The following KCNH2 variants were observed in gnomAD, a reference collection of about 807,000 sequenced individuals.
KCNH2 encodes potassium voltage-gated channel subfamily H member 2, also known as voltage-gated inwardly rectifying potassium channel KCNH2.
Under a neutral mutation model 95.9 loss-of-function variants are expected in KCNH2, and 35 were observed. The observed-to-expected ratio is 0.37, with a 90% CI of 0.28 to 0.48. The LOEUF (loss-of-function observed/expected upper bound fraction) is 0.48, where lower values mean the gene tolerates loss of function less well. KCNH2 is among the 20% of genes least tolerant of loss of function. The pLI, the probability that KCNH2 is intolerant of heterozygous loss-of-function variation, is 0.99. For synonymous variants in KCNH2, 786 were observed against 754.7 expected, an observed-to-expected ratio of 1.04 and a Z score of -0.68; for missense variants, 1,274 against 1,702.9, an observed-to-expected ratio of 0.75 and a Z score of 4.43.
chr7:150,947,860 T>C lies in KCNH2; in HGVS notation c.2711A>G (p.Glu904Gly), dbSNP rs794727044. The change falls in exon 12 of 15, where the codon GAG becomes GGG. Residue 904 changes from glutamate to glycine, a missense_variant. Glu to Gly is a moderately conservative substitution (Grantham distance 98). Coordinates refer to ENST00000262186, the MANE Select transcript of KCNH2 (RefSeq NM_000238.4). ...CCGGCCCGGCCCCAAGGCCGACACC[T>C]CCCCTGGCTGCTCCGTGTCTGTGGG... ...RTDKDTEQPG[E>G]VSALGPGRAG... 1 of 1,528,460 alleles carries C rather than the reference T, an allele frequency of 6.5e-7. No homozygotes were observed. Among genetic ancestry groups the C allele is most frequent in the Non-Finnish European group, 8.7e-7 (1 of 1,143,702 alleles). The allele number at this position is 1,528,460 out of a possible 1,614,324, so 94.7% of individuals were successfully genotyped here.
At position 150,945,232 on chromosome 7, in the gene KCNH2, T is replaced by G; in HGVS notation, c.*133A>C. On this transcript the variant is annotated 3_prime_UTR_variant, in exon 15 of 15. Transcript: ENST00000262186. This position sits in a 1 kb window ranked among gnomAD's most constrained non-coding sequence, Gnocchi z 5.6. ...TGCAGGAGAAGATGGTCCCAAGGGC[T>G]GGGGGAGGAGCTGTGCTTTCGAGTT... The G allele has an allele frequency of 9.8e-7, 1 of 1,019,110 alleles. No individual in the cohort carries two copies. Among genetic ancestry groups the G allele is most frequent in the South Asian group, 1.7e-5 (1 of 59,630 alleles). 63.1% of individuals were successfully genotyped at this position (1,019,110 alleles called of 1,614,324 possible). A position where few individuals can be genotyped will look rare whatever the true frequency, so the allele number is the denominator to read the frequency against.
chr7:150,946,126 G>A lies in KCNH2; in HGVS notation c.3331-612C>T, dbSNP rs1313670262. 1.3e-5 allele frequency among the ~76,000 whole-genome samples: 2 copies of A among 152,136 alleles called. No homozygotes were observed. Among genetic ancestry groups the A allele is most frequent in the African/African-American group, 4.8e-5 (2 of 41,434 alleles). ...CAGCATATGGGAGGGGGGAGCGGAT[G>A]CCAAGGGAAGTGGGGAGGGAGCAGA... is the stretch of plus-strand genomic sequence containing the variant. On this transcript the variant is annotated intron_variant, in intron 14 of 14. Coordinates refer to ENST00000262186, the MANE Select transcript of KCNH2 (RefSeq NM_000238.4). This position sits in a 1 kb window ranked among gnomAD's most constrained non-coding sequence, Gnocchi z 6.5.
intron 5 of KCNH2, chr7:150,955,388 T>C: frequency 6.4e-7 from 1 of 1,554,756 alleles, no homozygotes; most frequent in Non-Finnish European, 8.7e-7. Context: ...GGACCGGGTG[T>C]CACCTACCTC....
chr7:150,947,832 C>CGCCCG lies in KCNH2; in HGVS notation c.2734_2738dup (p.Ala915ArgfsTer61), dbSNP rs794728502. On this transcript the variant is annotated frameshift_variant, in exon 12 of 15. Transcript: ENST00000262186. LOFTEE classifies it high-confidence loss of function. The stretch of plus-strand genomic sequence containing the variant: ...GGCCCCGGCTACTCGGCCCTGCCCC[C>CGCCCG]GCCCGGCCCGGCCCCAAGGCCGACA... The CGCCCG allele has an allele frequency of 6.6e-7, 1 of 1,525,618 alleles. No individual in the cohort carries two copies. The allele number at this position is 1,525,618 out of a possible 1,614,324, so 94.5% of individuals were successfully genotyped here.
chr7:150,971,448 A>G (rs1801837579), intron 2 of KCNH2, among the ~76,000 whole-genome samples: 1 of 152,092 alleles, frequency 6.6e-6, no homozygotes, highest in Non-Finnish European at 1.5e-5. Context: ...GGAGTGGAGA[A>G]GCTAATAGAC....
In KCNH2 at chr7:150,958,059, CGGTGCT is replaced by C; in HGVS notation, c.910_915del (p.Ser304_Thr305del). 1 of 1,260,394 alleles carries C rather than the reference CGGTGCT, an allele frequency of 7.9e-7. No homozygotes were observed. Among genetic ancestry groups the C allele is most frequent in the Non-Finnish European group, 9.9e-7 (1 of 1,006,600 alleles). 78.1% of individuals were successfully genotyped at this position (1,260,394 alleles called of 1,614,324 possible). ...GGAACGGGTCCCGCGGCGCCCTCAC[CGGTGCT>C]GGCGTGGCGCGGTGGCGGGGGCAGC... On this transcript the variant is annotated inframe_deletion and splice_region_variant, in exon 4 of 15. Transcript: ENST00000262186.
chr7:150,977,677 C>A (rs35277497), intron 1 of KCNH2, among the ~76,000 whole-genome samples, 161 bp downstream of exon 1: 48 of 150,792 alleles, frequency 3.2e-4, no homozygotes, highest in South Asian at 4.2e-4. Flanking sequence ...GTGCACCAAG[C>A]CTTGCCCCCG....
In KCNH2 at chr7:150,978,310, C is replaced by A. The variant is rs1802030558; in HGVS notation, c.-397G>T. The A allele has an allele frequency of 6.8e-6, 1 of 146,954 alleles. No homozygotes were observed. Among genetic ancestry groups the A allele is most frequent in the African/African-American group, 2.5e-5 (1 of 40,664 alleles). The allele number at this position is 146,954 out of a possible 1,614,324, so 9.1% of individuals were successfully genotyped here. On this transcript the variant is annotated 5_prime_UTR_variant, in exon 1 of 15. Transcript: ENST00000262186. The stretch of plus-strand genomic sequence containing the variant: ...GGCAGCGCCTGCGGCTCGGCCCGGC[C>A]GCGGAAGGGTTAATGCGGCGCGCGC...
chr7:150,976,524 C>G (rs1429100638), intron 1 of KCNH2, among the ~76,000 whole-genome samples: 1 of 152,160 alleles, frequency 6.6e-6, no homozygotes, highest in Non-Finnish European at 1.5e-5. Context: ...CACCCCTTGT[C>G]CTCTCTCCCA....
intron 2 of KCNH2, among the ~76,000 whole-genome samples, chr7:150,960,229 CCTTG>C (rs1370961857): frequency 6.6e-6 from 1 of 152,166 alleles, no homozygotes; most frequent in Non-Finnish European, 1.5e-5. Context: ...TATTTAACAT[CCTTG>C]TGCCTCATTT....
chr7:150,946,800 G>A lies in KCNH2; in HGVS notation c.3330+77C>T. On this transcript the variant is annotated intron_variant, in intron 14 of 14. Transcript: ENST00000262186. This position sits in a 1 kb window ranked among gnomAD's most constrained non-coding sequence, Gnocchi z 6.5. ...GCTGGGCCACAGAGCCCAGCAGAAA[G>A]GCAGCAAAGCAGGTTTGGGCTGGAA... 2 of 1,372,366 alleles carry A rather than the reference G, an allele frequency of 1.5e-6. No individual in the cohort carries two copies. The highest frequency in any genetic ancestry group is 1.4e-5 in the African/African-American group (1 of 70,318). 85.0% of individuals were successfully genotyped at this position (1,372,366 alleles called of 1,614,324 possible).
chr7:150,964,788 G>T (rs140654708), intron 2 of KCNH2, among the ~76,000 whole-genome samples: 1 of 152,190 alleles, frequency 6.6e-6, no homozygotes, highest in Admixed American at 6.5e-5. Flanking sequence ...CGGCCTGTCC[G>T]CCCCCAGGCA....
chr7:150,958,172 G>T lies in KCNH2; in HGVS notation c.803C>A (p.Ala268Asp), dbSNP rs1241943196. The change falls in exon 4 of 15, where the codon GCC becomes GAC. Residue 268 changes from alanine (A) to aspartate (D), a missense_variant. Physicochemically the swap from Ala to Asp is moderately radical, Grantham distance 126. This residue lies in a region of KCNH2 where 392 missense variants were observed against 429.9 expected (regional missense o/e 0.91). Coordinates refer to ENST00000262186, the MANE Select transcript of KCNH2 (RefSeq NM_000238.4). The part of the protein sequence containing the change: ...PDASGSSCSL[A>D]RTRSRESCAS... ...GCAGCTTTCTCGGGAGCGCGTCCGG[G>T]CCAGGCTGCAGCTGGAGCCCGAGGC... 2.2e-6 allele frequency: 3 copies of T among 1,353,098 alleles called. No individual in the cohort carries two copies. The highest frequency in any genetic ancestry group is 2.8e-6 in the Non-Finnish European group (3 of 1,054,854). The allele number at this position is 1,353,098 out of a possible 1,614,324, so 83.8% of individuals were successfully genotyped here.
At position 150,947,349 on chromosome 7, in the gene KCNH2, G is replaced by A; in HGVS notation, c.3131C>T (p.Ala1044Val). ...TCACCTGTTGAGCTGGCGCTGGAGG[G>A]CATCCAGCCTGCTCTCCACGTCGCC... ...PRGDVESRLDALQRQLNRLET... is the reference protein window; with the variant it reads ...PRGDVESRLDVLQRQLNRLET... Residue 1044 changes from alanine to valine, a missense_variant, in exon 13 of 15, where the codon GCC (alanine) becomes GTC (valine). Transcript: ENST00000262186. The A allele has an allele frequency of 1.3e-6, 2 of 1,544,304 alleles. No homozygotes were observed. Among genetic ancestry groups the A allele is most frequent in the Non-Finnish European group, 1.7e-6 (2 of 1,146,842 alleles).
Position 150,945,339 on chromosome 7 carries a change from CCACGT to C in KCNH2, c.*21_*25del. The C allele has an allele frequency of 1.9e-6, 3 of 1,576,320 alleles. No individual in the cohort carries two copies. Among genetic ancestry groups the C allele is most frequent in the Non-Finnish European group, 2.6e-6 (3 of 1,161,472 alleles). On this transcript the variant is annotated 3_prime_UTR_variant, in exon 15 of 15. Transcript: ENST00000262186. This position sits in a 1 kb window ranked among gnomAD's most constrained non-coding sequence, Gnocchi z 5.6. ...AGCAGCGCCTTGATCCCTGGGTGAG[CCACGT>C]GTCCACACTGGGCAGCCCCACTAAC...
rs1801408103 is a variant in KCNH2, at chr7:150,957,359, T to C, written c.1060A>G (p.Ser354Gly). ...TTAGGTGCTATGATCTCACGGTCAC[T>C]GGTGGGCGAAGCCAAGAAGGGGTCG... ...KGDPFLASPT[S>G]DREIIAPKIK... The change falls in exon 5 of 15, where the codon AGT (serine) becomes GGT (glycine). Residue 354 changes from serine (S) to glycine (G), a missense_variant. This residue lies in a region of KCNH2 where 392 missense variants were observed against 429.9 expected (regional missense o/e 0.91). Transcript: ENST00000262186. 4 of 1,613,242 alleles carry C rather than the reference T, an allele frequency of 2.5e-6. No homozygotes were observed. The highest frequency in any genetic ancestry group is 1.3e-5 in the African/African-American group (1 of 74,926).
At position 150,952,818 on chromosome 7, in the gene KCNH2, G is replaced by A. The variant is rs775391226; in HGVS notation, c.1164C>T (p.Tyr388=). ...GGTGGATGCGCGGTGCCTGCAGCTT[G>A]TACTCAGGCAGCACGTCGGCGCCCA... is the stretch of plus-strand genomic sequence containing the variant. The part of the protein sequence containing the change: ...LSLGADVLPE[Y]KLQAPRIHRW... The change falls in exon 6 of 15, where the codon TAC becomes TAT. Residue 388 remains tyrosine (Y), a synonymous_variant. Transcript: ENST00000262186. This position sits in a 1 kb window ranked among gnomAD's most constrained non-coding sequence, Gnocchi z 7.3. 11 of 1,613,942 alleles carry A rather than the reference G, an allele frequency of 6.8e-6. No individual in the cohort carries two copies. The highest frequency in any genetic ancestry group is 9.3e-6 in the Non-Finnish European group (11 of 1,180,014).
intron 9 of KCNH2, chr7:150,949,524 T>C (rs1294389734): frequency 5.9e-6 from 5 of 844,286 alleles, no homozygotes; most frequent in Non-Finnish European, 7.4e-6. Flanking sequence ...TGTTATGTAG[T>C]GAAACTTTGA....
chr7:150,975,358 C>T (rs117295289), intron 1 of KCNH2, among the ~76,000 whole-genome samples: 9 of 152,332 alleles, frequency 5.9e-5, no homozygotes, highest in Non-Finnish European at 1.0e-4. Flanking sequence ...TTTGCATCGG[C>T]TCTCTGGATT....
Sources: allele counts gnomAD v4.1 joint callset (sites outside exome capture counted in the v4.1 genomes callset), GRCh38; gene constraint gnomAD v4.1.1; regional missense constraint gnomAD v4.1.1; non-coding constraint Gnocchi (gnomAD v3.1); transcripts MANE v1.5; gene names NCBI Gene and HGNC (gene_info 2026-07-23, HGNC 2026-07-21).